Variants in CSMD3 observed in about 807,000 individuals in gnomAD.
CSMD3 encodes the protein CUB and Sushi multiple domains 3.
CSMD3 carries 177 observed loss-of-function variants against 435.2 expected under a neutral mutation model. The ratio of observed to expected loss-of-function variants is 0.41; its 90% CI spans 0.36 to 0.46. CSMD3 has a LOEUF of 0.46. Among genes scored for constraint, CSMD3 ranks in the 20% least tolerant of loss-of-function variants. CSMD3 has a pLI of 0.34. For synonymous variants in CSMD3, 1,656 were observed against 1,520.5 expected, an observed-to-expected ratio of 1.09 and a Z score of -2.07; for missense variants, 4,265 against 4,504.6, an observed-to-expected ratio of 0.95 and a Z score of 1.52.
intron 3 of CSMD3, among the ~76,000 whole-genome samples, chr8:113,184,003 G>T (rs2092461512): frequency 6.6e-6 from 1 of 151,942 alleles, no homozygotes; most frequent in Non-Finnish European, 1.5e-5. Flanking sequence ...TAATCCCCAA[G>T]ACTGACCCCC....
At chr8:112,230,219 A>G (rs1262463752) in intron 69 of CSMD3, among the ~76,000 whole-genome samples, 1 of 152,200 alleles carries the variant, frequency 6.6e-6, no homozygotes, top group Non-Finnish European at 1.5e-5. Context: ...TTTGGAGAAT[A>G]TTACATGAAA....
chr8:112,636,642 A>G (rs2074668601), intron 22 of CSMD3, among the ~76,000 whole-genome samples, 175 bp downstream of exon 22: 1 of 151,954 alleles, frequency 6.6e-6, no homozygotes, highest in African/African-American at 2.4e-5. Context: ...TCTTGAATGG[A>G]GCAGTAGAGA....
Position 112,700,978 on chromosome 8 carries a change from C to T in CSMD3, c.1973-10928G>A, listed in dbSNP as rs2076376885. 2.0e-5 allele frequency among the ~76,000 whole-genome samples: 3 copies of T among 152,140 alleles called. No homozygotes were observed. The South Asian group carries it at 6.2e-4, about 32-fold the overall frequency. On this transcript the variant is annotated intron_variant, in intron 13 of 70. Coordinates refer to ENST00000297405, the MANE Select transcript of CSMD3 (RefSeq NM_198123.2). The stretch of plus-strand genomic sequence containing the variant: ...ATGGCTCACATAATTAAACATTCAG[C>T]TGTGTTTCTTGTGAGGCTGTGGCCA...
chr8:112,974,589 T>C (rs1285793677), intron 7 of CSMD3, among the ~76,000 whole-genome samples: 2 of 151,886 alleles, frequency 1.3e-5, no homozygotes, highest in Admixed American at 6.6e-5. Context: ...TATATTCTTA[T>C]AAATGGTAAT....
At chr8:112,882,604 A>G (rs926981685) in intron 10 of CSMD3, among the ~76,000 whole-genome samples, 1 of 152,022 alleles carries the variant, frequency 6.6e-6, no homozygotes, top group Non-Finnish European at 1.5e-5. Context: ...TGAACCACAG[A>G]TCCTACTGTG....
At chr8:112,494,524 TTTC>T (rs1171768738) in intron 30 of CSMD3, among the ~76,000 whole-genome samples, 1 of 137,944 alleles carries the variant, frequency 7.2e-6, no homozygotes, top group East Asian at 2.1e-4. Flanking sequence ...TCTTTCTTTC[TTTC>T]TTTCTTTCTT....
intron 5 of CSMD3, among the ~76,000 whole-genome samples, chr8:113,082,836 A>G (rs1588036538): frequency 6.6e-6 from 1 of 152,238 alleles, no homozygotes; most frequent in East Asian, 1.9e-4. Context: ...TCAACAATAG[A>G]TTAGATCAAG....
intron 3 of CSMD3, among the ~76,000 whole-genome samples, chr8:113,205,352 T>G (rs1002502692): frequency 6.6e-6 from 1 of 152,136 alleles, no homozygotes; most frequent in African/African-American, 2.4e-5. Flanking sequence ...CAAGAAAAGC[T>G]TATCCCCATG....
rs910231585 is a variant in CSMD3 at position 113,024,331 on chromosome 8, T to A, written c.918-5152A>T. On this transcript the variant is annotated intron_variant, in intron 5 of 70. Coordinates refer to ENST00000297405, the MANE Select transcript of CSMD3 (RefSeq NM_198123.2). ...GTGTGTGTGTGTGTTTGTGTGTGTGTGATCACACTTTCTTAATCCGTTCAT... is the reference window on the plus strand; with the variant it reads ...GTGTGTGTGTGTGTTTGTGTGTGTGAGATCACACTTTCTTAATCCGTTCAT... 6.4e-5 allele frequency among the ~76,000 whole-genome samples: 9 copies of A among 139,784 alleles called. No individual in the cohort carries two copies. The East Asian group carries it at 1.1e-3, about 17-fold the overall frequency. 91.7% of individuals were successfully genotyped at this position (139,784 alleles called of 152,430 possible).
chr8:113,037,148 T>C (rs1222737176), intron 5 of CSMD3, among the ~76,000 whole-genome samples: 1 of 152,104 alleles, frequency 6.6e-6, no homozygotes, highest in African/African-American at 2.4e-5. Flanking sequence ...CCAACATGAT[T>C]TGTATTCCAG....
At chr8:112,987,247 TTCAA>T (rs1163635569) in intron 6 of CSMD3, among the ~76,000 whole-genome samples, 1 of 152,132 alleles carries the variant, frequency 6.6e-6, no homozygotes, top group African/African-American at 2.4e-5. Context: ...AAGATGAATA[TTCAA>T]TCATTTTCCT....
intron 49 of CSMD3, among the ~76,000 whole-genome samples, chr8:112,312,599 A>C (rs1586738790): frequency 6.6e-6 from 1 of 152,236 alleles, no homozygotes; most frequent in Non-Finnish European, 1.5e-5. Flanking sequence ...TTGCATAATA[A>C]ATTATTTTTG....
intron 22 of CSMD3, among the ~76,000 whole-genome samples, chr8:112,608,838 A>T (rs1738851524): frequency 6.6e-6 from 1 of 152,110 alleles, no homozygotes; most frequent in Admixed American, 6.6e-5. Context: ...CACATATGAA[A>T]AATCAACTCC....
At chr8:112,469,160 C>CAA (rs71309771) in intron 32 of CSMD3, among the ~76,000 whole-genome samples, 1,576 of 91,382 alleles carry the variant, frequency 0.017, 80 homozygotes, top group African/African-American at 0.056. Flanking sequence ...CTACACCAGG[C>CAA]AAAAAAAAAA....
chr8:112,691,927 G>T (rs2076145608), intron 13 of CSMD3, among the ~76,000 whole-genome samples: 1 of 151,686 alleles, frequency 6.6e-6, no homozygotes, highest in South Asian at 2.1e-4. Flanking sequence ...CAGCCTCCTG[G>T]GTAGCTCGGA....
intron 13 of CSMD3, among the ~76,000 whole-genome samples, chr8:112,699,727 A>G (rs1166884652): frequency 6.6e-6 from 1 of 152,178 alleles, no homozygotes; most frequent in African/African-American, 2.4e-5. Context: ...CATTTTTGTG[A>G]TACATCTGTC....
At chr8:113,099,119 T>C (rs557021881) in intron 4 of CSMD3, among the ~76,000 whole-genome samples, 156 bp from the exon 5 acceptor site, 1 of 152,052 alleles carries the variant, frequency 6.6e-6, no homozygotes, top group Admixed American at 6.6e-5. Flanking sequence ...AAAATGAGAA[T>C]TTTATGAAAA....
chr8:113,011,825 A>T (rs1020208047), intron 6 of CSMD3, among the ~76,000 whole-genome samples: 1 of 151,840 alleles, frequency 6.6e-6, no homozygotes, highest in African/African-American at 2.4e-5. Context: ...CAGACCAATG[A>T]TTATTTAGAT....
At chr8:113,107,916 A>G (rs2090529320) in intron 4 of CSMD3, among the ~76,000 whole-genome samples, 1 of 152,222 alleles carries the variant, frequency 6.6e-6, no homozygotes, top group African/African-American at 2.4e-5. Flanking sequence ...AGGGACTCCA[A>G]GTGAATTTAT....
Sources: gnomAD v4.1 joint callset for allele counts (sites outside exome capture counted in the v4.1 genomes callset) on GRCh38, gnomAD v4.1.1 for gene constraint, MANE v1.5 for transcripts, NCBI Gene and HGNC (gene_info 2026-07-23, HGNC 2026-07-21) for gene names.